Variants in SLC25A33 observed in about 807,000 individuals in gnomAD.
SLC25A33 encodes bone marrow stromal cell mitochondrial carrier protein.
Under a neutral mutation model 35.5 loss-of-function variants are expected in SLC25A33, and 15 were observed. That is an observed-to-expected ratio of 0.42 (90% CI 0.28 to 0.65). SLC25A33 has a LOEUF of 0.65. SLC25A33 is among the 30% of genes least tolerant of loss of function. The pLI is 0.20. For synonymous variants in SLC25A33, 136 were observed against 148.7 expected (o/e 0.91, Z 0.62); for missense variants, 257 against 398.5 (o/e 0.64, Z 3.02).
At position 9,582,158 on chromosome 1, in the gene SLC25A33, C is replaced by T. The variant is rs898659921; in HGVS notation, c.764-141C>T. 8.7e-6 allele frequency: 7 copies of T among 804,034 alleles called. No homozygotes were observed. Among genetic ancestry groups the T allele is most frequent in the Non-Finnish European group, 1.4e-5 (7 of 500,390 alleles). The allele number at this position is 804,034 out of a possible 1,614,324, so 49.8% of individuals were successfully genotyped here. On this transcript the variant is annotated intron_variant, in intron 6 of 6. Transcript: ENST00000302692. The surrounding 1 kb of genome is among the most constrained non-coding windows in gnomAD (Gnocchi z 4.0). ...CCAACTCCTGGCCTCAAGTGATCCA[C>T]CCGCCTCGGCCTCCCAAAGTTCTGG... is the stretch of plus-strand genomic sequence containing the variant.
intron 1 of SLC25A33, among the ~76,000 whole-genome samples, chr1:9,548,062 A>G (rs1308233032): frequency 6.6e-6 from 1 of 151,870 alleles, no homozygotes; most frequent in African/African-American, 2.4e-5. Context: ...TTTTGTAGAG[A>G]TGGGTTTTCA....
At chr1:9,570,699 A>G (rs1000278719) in intron 4 of SLC25A33, among the ~76,000 whole-genome samples, 5 of 141,852 alleles carry the variant, frequency 3.5e-5, no homozygotes, top group African/African-American at 1.3e-4. Flanking sequence ...ATAGATAGAT[A>G]TAGTTTTTTT....
intron 2 of SLC25A33, among the ~76,000 whole-genome samples, chr1:9,555,657 T>C (rs1643332568): frequency 6.6e-6 from 1 of 152,022 alleles, no homozygotes; most frequent in Non-Finnish European, 1.5e-5. Context: ...TGTCCAAGAC[T>C]CCAGGAGAAA....
chr1:9,581,822 G>C (rs933578198), intron 6 of SLC25A33, among the ~76,000 whole-genome samples: 1 of 151,936 alleles, frequency 6.6e-6, no homozygotes, highest in Non-Finnish European at 1.5e-5. Flanking sequence ...GTTCTAAAAA[G>C]AACTTAATTT....
At chr1:9,557,342 A>G (rs889854138) in intron 2 of SLC25A33, among the ~76,000 whole-genome samples, 1 of 152,194 alleles carries the variant, frequency 6.6e-6, no homozygotes, top group Non-Finnish European at 1.5e-5. Flanking sequence ...GTAAAGTGGC[A>G]CTTTTCACCC....
intron 2 of SLC25A33, chr1:9,556,082 T>C (rs772720878): frequency 1.1e-5 from 5 of 472,226 alleles, no homozygotes; most frequent in Non-Finnish European, 8.3e-6. Context: ...CACAGAGATG[T>C]GGAGGGACAC....
At chr1:9,541,989 C>A (rs1347981160) in intron 1 of SLC25A33, among the ~76,000 whole-genome samples, 1 of 152,044 alleles carries the variant, frequency 6.6e-6, no homozygotes. Flanking sequence ...TTAGTAGAGA[C>A]GGGGTTTAAC....
intron 3 of SLC25A33, among the ~76,000 whole-genome samples, chr1:9,569,751 T>C (rs1643562318): frequency 6.6e-6 from 1 of 152,038 alleles, no homozygotes. Context: ...ACGGGACCAC[T>C]TTGCGGTAGT....
In SLC25A33 at chr1:9,539,699, C is replaced by T. The variant is rs1256215510; in HGVS notation, c.8C>T (p.Thr3Met). ...CGCGGAGCCGGCGCGGCCATGGCGA[C>T]GGGCGGCCAGCAGAAGGAGAACACG... MA[T>M]GGQQKENTLL... The change falls in exon 1 of 7, where the codon ACG becomes ATG. Residue 3 changes from threonine to methionine, a missense_variant. Physicochemically the swap from Thr to Met is moderately conservative, Grantham distance 81. Coordinates refer to ENST00000302692, the MANE Select transcript of SLC25A33 (RefSeq NM_032315.3). 2 of 1,390,498 alleles carry T rather than the reference C, an allele frequency of 1.4e-6. No individual in the cohort carries two copies. Among genetic ancestry groups the T allele is most frequent in the Non-Finnish European group, 9.3e-7 (1 of 1,071,180 alleles). The allele number at this position is 1,390,498 out of a possible 1,614,324, so 86.1% of individuals were successfully genotyped here.
rs185874442 is a variant in SLC25A33, at chr1:9,570,508, A to C, written c.415+150A>C. 897 of 649,188 alleles carry C rather than the reference A, an allele frequency of 1.4e-3. 6 individuals are homozygous for C. Among genetic ancestry groups the C allele is most frequent in the Non-Finnish European group, 8.2e-4 (312 of 380,806 alleles). The allele number at this position is 649,188 out of a possible 1,614,324, so 40.2% of individuals were successfully genotyped here. On this transcript the variant is annotated intron_variant, in intron 4 of 6. Coordinates refer to ENST00000302692, the MANE Select transcript of SLC25A33 (RefSeq NM_032315.3). ...AAAGCTTTATGTTACAACCAATAGG[A>C]GAGTGAGAGCGGTTTGTAGCTTGAT...
In SLC25A33 at chr1:9,570,705, T is replaced by G. The variant is rs956114459; in HGVS notation, c.415+347T>G. Among the ~76,000 whole-genome samples, 242 of 140,836 alleles carry G rather than the reference T, an allele frequency of 1.7e-3. 2 individuals carry two copies. The highest frequency in any genetic ancestry group is 5.8e-3 in the African/African-American group (220 of 37,736). 92.4% of individuals were successfully genotyped at this position (140,836 alleles called of 152,430 possible). A position where few individuals can be genotyped will look rare whatever the true frequency, so the allele number is the denominator to read the frequency against. On this transcript the variant is annotated intron_variant, in intron 4 of 6. Coordinates refer to ENST00000302692, the MANE Select transcript of SLC25A33 (RefSeq NM_032315.3). ...TATAGATAGATAGATAGATATAGTT[T>G]TTTTTTTTTTTTTTTTTTTTGAGAC...
intron 4 of SLC25A33, among the ~76,000 whole-genome samples, chr1:9,571,291 G>A (rs1186139651): frequency 6.6e-6 from 1 of 151,218 alleles, no homozygotes; most frequent in Non-Finnish European, 1.5e-5. Context: ...GAGAAGGGAA[G>A]GCTTTTTTGT....
chr1:9,555,400 G>A (rs1643328578), intron 2 of SLC25A33, among the ~76,000 whole-genome samples: 1 of 152,098 alleles, frequency 6.6e-6, no homozygotes, highest in Non-Finnish European at 1.5e-5. Context: ...TTACAGGCGT[G>A]AGCCACCGCA....
chr1:9,540,275 T>C (rs1643059262), intron 1 of SLC25A33, among the ~76,000 whole-genome samples: 1 of 152,152 alleles, frequency 6.6e-6, no homozygotes, highest in Non-Finnish European at 1.5e-5. Context: ...ACGGTGATGC[T>C]TGCGGCCACA....
chr1:9,570,010 C>G (rs1643566320), intron 3 of SLC25A33, among the ~76,000 whole-genome samples: 1 of 152,170 alleles, frequency 6.6e-6, no homozygotes, highest in African/African-American at 2.4e-5. Context: ...GATGTCTTCC[C>G]CAAATCTCAC....
intron 5 of SLC25A33, among the ~76,000 whole-genome samples, chr1:9,576,061 G>A (rs1022963202): frequency 4.1e-4 from 62 of 152,274 alleles, no homozygotes; most frequent in African/African-American, 1.3e-3. Flanking sequence ...GGATAAATGC[G>A]TCCATCAGCT....
intron 5 of SLC25A33, among the ~76,000 whole-genome samples, chr1:9,575,744 CCAAT>C (rs1179489744): frequency 6.6e-6 from 1 of 152,148 alleles, no homozygotes; most frequent in Non-Finnish European, 1.5e-5. Flanking sequence ...CCAAGTTCGC[CCAAT>C]CAATCTATTC....
chr1:9,555,317 A>G (rs1643326237), intron 2 of SLC25A33, among the ~76,000 whole-genome samples: 1 of 151,742 alleles, frequency 6.6e-6, no homozygotes. Context: ...ACGGGGTTTC[A>G]CCATGTTAGC....
At chr1:9,548,948 TG>T (rs1643218559) in intron 1 of SLC25A33, among the ~76,000 whole-genome samples, 2 of 152,100 alleles carry the variant, frequency 1.3e-5, no homozygotes, top group African/African-American at 4.8e-5. Flanking sequence ...GTGTCAACAT[TG>T]GGGTGTGTGG....
Sources: gnomAD v4.1 joint callset for allele counts (sites outside exome capture counted in the v4.1 genomes callset) on GRCh38, gnomAD v4.1.1 for gene constraint, Gnocchi (gnomAD v3.1) non-coding constraint, MANE v1.5 for transcripts, NCBI Gene and HGNC (gene_info 2026-07-23, HGNC 2026-07-21) for gene names.